Variants in FSAF1 observed in about 807,000 individuals in gnomAD.
The protein encoded by FSAF1 is uncharacterized protein C1orf131.
the FSAF1 span, among the ~76,000 whole-genome samples, chr1:231,234,129 C>T: frequency 3.3e-5 from 5 of 152,166 alleles, no homozygotes; most frequent in Non-Finnish European, 7.3e-5. This position sits in a 1 kb window ranked among gnomAD's most constrained non-coding sequence, Gnocchi z 4.0. Context: ...CAGTACACCC[C>T]CAATAAATAT....
chr1:231,232,314 G>A, the FSAF1 span, among the ~76,000 whole-genome samples: 1 of 152,268 alleles, frequency 6.6e-6, no homozygotes, highest in East Asian at 1.9e-4. Context: ...CCGTCTACTT[G>A]ATGCTAGGAA....
At chr1:231,231,569 C>T in the FSAF1 span, among the ~76,000 whole-genome samples, 6 of 152,056 alleles carry the variant, frequency 3.9e-5, no homozygotes, top group South Asian at 2.1e-4. Context: ...GCGCGAGGCA[C>T]GTCAGATTTC....
the FSAF1 span, chr1:231,225,404 C>T: frequency 4.7e-6 from 7 of 1,474,954 alleles, no homozygotes; most frequent in Admixed American, 1.7e-5. Flanking sequence ...TTCAAGGCGT[C>T]CTTGTCAGAA....
At chr1:231,228,734 C>G in the FSAF1 span, among the ~76,000 whole-genome samples, 2 of 152,108 alleles carry the variant, frequency 1.3e-5, no homozygotes, top group Admixed American at 1.3e-4. Context: ...CACCTGTAAT[C>G]CCAGCACTCT....
At chr1:231,233,713 C>T in the FSAF1 span, among the ~76,000 whole-genome samples, 452 of 152,216 alleles carry the variant, frequency 3.0e-3, 2 homozygotes, top group Admixed American at 6.8e-3. Context: ...CCACCACACC[C>T]GGCTAATTTT....
At chr1:231,240,263 G>A in the FSAF1 span, among the ~76,000 whole-genome samples, 4 of 152,206 alleles carry the variant, frequency 2.6e-5, no homozygotes, top group Non-Finnish European at 4.4e-5. This position sits in a 1 kb window ranked among gnomAD's most constrained non-coding sequence, Gnocchi z 4.1. Flanking sequence ...TATTCCTACT[G>A]TTTAGGTGAA....
At chr1:231,239,236 TATC>T in the FSAF1 span, 1 of 1,441,726 alleles carries the variant, frequency 6.9e-7, no homozygotes, top group African/African-American at 1.4e-5. Context: ...CAGTCTTAGC[TATC>T]ATCAGTATCA....
At chr1:231,225,600 C>A in the FSAF1 span, 1 of 1,304,588 alleles carries the variant, frequency 7.7e-7, no homozygotes, top group Non-Finnish European at 1.1e-6. Context: ...AGGTTTGTGA[C>A]CAAAAGTCAT....
the FSAF1 span, among the ~76,000 whole-genome samples, chr1:231,230,699 C>T: frequency 6.6e-6 from 1 of 152,198 alleles, no homozygotes; most frequent in African/African-American, 2.4e-5. Context: ...CAGCCCCCAC[C>T]ACTGTATTTA....
the FSAF1 span, chr1:231,225,810 A>G: frequency 2.2e-5 from 9 of 407,770 alleles, no homozygotes; most frequent in African/African-American, 1.4e-4. Context: ...GCAACACAGC[A>G]AGATCCTGTC....
chr1:231,224,078 T>A, the FSAF1 span: 3 of 495,492 alleles, frequency 6.1e-6, no homozygotes, highest in Non-Finnish European at 1.0e-5. Context: ...ACATTCATGC[T>A]GCACTGGGCC....
chr1:231,225,442 C>T, the FSAF1 span: 36 of 1,606,110 alleles, frequency 2.2e-5, no homozygotes, highest in African/African-American at 4.7e-4. Flanking sequence ...CCAGATTGTT[C>T]AACCCCAGGA....
the FSAF1 span, chr1:231,237,151 C>A: frequency 1.3e-5 from 2 of 152,316 alleles, no homozygotes; most frequent in Admixed American, 1.3e-4. Context: ...TGAGCCACCA[C>A]GCTCAGCCTG....
chr1:231,227,585 G>GGTT, the FSAF1 span, among the ~76,000 whole-genome samples: 1 of 102,120 alleles, frequency 9.8e-6, no homozygotes. Context: ...CTCGCCCACG[G>GGTT]TTTTTTTTTT....
At chr1:231,232,525 C>T in the FSAF1 span, among the ~76,000 whole-genome samples, 4 of 152,180 alleles carry the variant, frequency 2.6e-5, no homozygotes, top group African/African-American at 7.2e-5. Context: ...CTGCAAATCC[C>T]GATGGCCATG....
the FSAF1 span, chr1:231,225,485 TTTCCTC>T: frequency 6.2e-7 from 1 of 1,613,858 alleles, no homozygotes; most frequent in South Asian, 1.1e-5. Context: ...CCTCCTGTCC[TTTCCTC>T]TTCTTTTTCT....
At chr1:231,235,673 G>A in the FSAF1 span, among the ~76,000 whole-genome samples, 2 of 152,056 alleles carry the variant, frequency 1.3e-5, no homozygotes, top group Non-Finnish European at 2.9e-5. Flanking sequence ...GCATAGTGGT[G>A]TGCCCTATAG....
At chr1:231,229,208 T>C in the FSAF1 span, 1 of 1,571,974 alleles carries the variant, frequency 6.4e-7, no homozygotes, top group Non-Finnish European at 8.7e-7. Flanking sequence ...AGGATTAGCC[T>C]GCTGAGAGAA....
the FSAF1 span, chr1:231,238,947 G>T: frequency 1.2e-6 from 2 of 1,614,062 alleles, no homozygotes; most frequent in Non-Finnish European, 1.7e-6. Flanking sequence ...TGTTCTTTAG[G>T]GAAGAGGGAG....
Sources: allele counts gnomAD v4.1 joint callset (sites outside exome capture counted in the v4.1 genomes callset), GRCh38; gene constraint gnomAD v4.1.1; non-coding constraint Gnocchi (gnomAD v3.1); transcripts MANE v1.5; gene names NCBI Gene and HGNC (gene_info 2026-07-23, HGNC 2026-07-21).